Variants in LARGE1 observed in about 807,000 individuals in gnomAD.
LARGE1 encodes LARGE xylosyl- and glucuronyltransferase 1, also known as xylosyl- and glucuronyltransferase LARGE1.
In LARGE1, 43 loss-of-function variants were observed where a neutral mutation model predicts 87.6. The observed-to-expected ratio is 0.49, with a 90% CI of 0.38 to 0.63. The LOEUF is 0.63. LARGE1 is among the 30% of genes least tolerant of loss of function. The pLI is 0.00. For synonymous variants in LARGE1, 434 were observed against 394.6 expected (o/e 1.10, Z -1.18); for missense variants, 802 against 1,000.2 (o/e 0.80, Z 2.67).
At chr22:33,843,278 A>G (rs2063333194) in intron 1 of LARGE1, among the ~76,000 whole-genome samples, 2 of 152,028 alleles carry the variant, frequency 1.3e-5, no homozygotes, top group East Asian at 3.9e-4. Flanking sequence ...GGCTGTAAGG[A>G]TTGGCACTTT....
At chr22:33,902,574 T>C (rs935139702) in intron 1 of LARGE1, among the ~76,000 whole-genome samples, 6 of 152,276 alleles carry the variant, frequency 3.9e-5, no homozygotes, top group Non-Finnish European at 7.3e-5. Context: ...TCTACTCCTA[T>C]TAAAGGGAAA....
At chr22:33,630,258 T>A (rs2080065105) in intron 3 of LARGE1, among the ~76,000 whole-genome samples, 1 of 151,828 alleles carries the variant, frequency 6.6e-6, no homozygotes, top group Admixed American at 6.6e-5. Context: ...AACCAAAGGG[T>A]GGGATCTGAA....
In LARGE1 at chr22:33,273,425, A is replaced by T; in HGVS notation, c.*1002T>A. 1 of 398,698 alleles carries T rather than the reference A, an allele frequency of 2.5e-6. No homozygotes were observed. 24.7% of individuals were successfully genotyped at this position (398,698 alleles called of 1,614,324 possible). A position where few individuals can be genotyped will look rare whatever the true frequency, so the allele number is the denominator to read the frequency against. On this transcript the variant is annotated 3_prime_UTR_variant, in exon 15 of 15. Coordinates refer to ENST00000397394, the MANE Select transcript of LARGE1 (RefSeq NM_133642.5). ...AATCTTCAGAACTGGGCTTTCATGA[A>T]TTATGAAAGTTCTTCGAAAGGCCTG...
At chr22:33,487,760 G>C (rs145921308) in intron 6 of LARGE1, among the ~76,000 whole-genome samples, 142 of 152,250 alleles carry the variant, frequency 9.3e-4, no homozygotes, top group African/African-American at 3.0e-3. Flanking sequence ...ACCGACATGG[G>C]CAAGGAAGCT....
intron 11 of LARGE1, among the ~76,000 whole-genome samples, chr22:33,212,851 A>C (rs941398741): frequency 6.6e-6 from 1 of 152,092 alleles, no homozygotes; most frequent in Non-Finnish European, 1.5e-5. Context: ...CCCCGTCTCT[A>C]CTAAAAATAC....
At chr22:33,086,697 C>T in the LARGE1 span, among the ~76,000 whole-genome samples, 263 of 151,954 alleles carry the variant, frequency 1.7e-3, 2 homozygotes, top group East Asian at 0.012. Context: ...GGATTACAGG[C>T]GCATGCCACC....
chr22:33,741,369 G>A (rs1009966303), intron 2 of LARGE1, among the ~76,000 whole-genome samples: 4 of 152,236 alleles, frequency 2.6e-5, no homozygotes, highest in Non-Finnish European at 5.9e-5. Context: ...AAGCACAGGA[G>A]ATGGTTTAAA....
At chr22:33,778,417 C>T (rs540193421) in intron 1 of LARGE1, among the ~76,000 whole-genome samples, 3 of 152,306 alleles carry the variant, frequency 2.0e-5, no homozygotes, top group African/African-American at 7.2e-5. Context: ...TGAGCAACCA[C>T]TCCTTTATCT....
chr22:33,674,517 CTT>C (rs1304931287), intron 2 of LARGE1, among the ~76,000 whole-genome samples: 2 of 152,212 alleles, frequency 1.3e-5, no homozygotes, highest in African/African-American at 4.8e-5. Flanking sequence ...AGGCGAAACT[CTT>C]TTGCATGACT....
intron 6 of LARGE1, among the ~76,000 whole-genome samples, chr22:33,481,600 G>A (rs2069330639): frequency 1.3e-5 from 2 of 152,214 alleles, no homozygotes; most frequent in South Asian, 4.2e-4. Context: ...CCATACTAAA[G>A]CAGATAAGAG....
chr22:33,498,700 G>A (rs7291127), intron 6 of LARGE1, among the ~76,000 whole-genome samples: 14 of 151,992 alleles, frequency 9.2e-5, no homozygotes, highest in African/African-American at 2.2e-4. Flanking sequence ...GGCCAGGCGC[G>A]GGGGCTCACA....
chr22:33,109,607 T>C, the LARGE1 span, among the ~76,000 whole-genome samples: 2 of 152,214 alleles, frequency 1.3e-5, no homozygotes, highest in Non-Finnish European at 2.9e-5. Context: ...ATGGATTTTA[T>C]CAAACATTTA....
At chr22:33,745,865 T>C (rs532514810) in intron 2 of LARGE1, among the ~76,000 whole-genome samples, 11 of 152,112 alleles carry the variant, frequency 7.2e-5, no homozygotes, top group Middle Eastern at 3.4e-3. Context: ...TATTCACACA[T>C]AGGGAGAGGA....
At chr22:33,539,512 T>C (rs943696910) in intron 6 of LARGE1, among the ~76,000 whole-genome samples, 12 of 152,264 alleles carry the variant, frequency 7.9e-5, no homozygotes, top group Admixed American at 6.5e-4. Context: ...GTTCCTTAAA[T>C]AGCCTACAAT....
At chr22:33,139,497 G>T in the LARGE1 span, among the ~76,000 whole-genome samples, 1 of 151,308 alleles carries the variant, frequency 6.6e-6, no homozygotes. Flanking sequence ...TTCCTTCTTA[G>T]GATCACAAAA....
At chr22:33,113,562 C>T in the LARGE1 span, among the ~76,000 whole-genome samples, 1 of 152,226 alleles carries the variant, frequency 6.6e-6, no homozygotes. Context: ...CATTCTACAA[C>T]TAATGAGCCC....
chr22:33,070,767 G>C, the LARGE1 span, among the ~76,000 whole-genome samples: 1 of 152,214 alleles, frequency 6.6e-6, no homozygotes, highest in Non-Finnish European at 1.5e-5. Flanking sequence ...ACATGTGTGA[G>C]TGTTCCAGGC....
intron 1 of LARGE1, among the ~76,000 whole-genome samples, chr22:33,785,402 G>A (rs780496729): frequency 4.2e-4 from 64 of 151,936 alleles, no homozygotes; most frequent in South Asian, 4.2e-4. Context: ...GATGAGTAAC[G>A]GGTGAACAGT....
At chr22:33,879,415 A>C (rs991259491) in intron 1 of LARGE1, among the ~76,000 whole-genome samples, 1 of 152,200 alleles carries the variant, frequency 6.6e-6, no homozygotes, top group Non-Finnish European at 1.5e-5. Context: ...CATTTGACAG[A>C]TGATGAAACC....
Sources: gnomAD v4.1 joint callset for allele counts (sites outside exome capture counted in the v4.1 genomes callset) on GRCh38, gnomAD v4.1.1 for gene constraint, MANE v1.5 for transcripts, NCBI Gene and HGNC (gene_info 2026-07-23, HGNC 2026-07-21) for gene names.